The following CRYBA4 variants were observed in gnomAD, a reference collection of about 807,000 sequenced individuals.
CRYBA4 encodes crystallin beta A4, also known as beta-crystallin A4.
In CRYBA4, 30 loss-of-function variants were observed where a neutral mutation model predicts 31.7. The observed-to-expected ratio is 0.95, with a 90% CI of 0.71 to 1.28. The LOEUF is 1.28. CRYBA4 is among the 50% of genes most tolerant of loss of function. CRYBA4 has a pLI of 0.00. For missense variants in CRYBA4, 225 were observed against 260.7 expected (o/e 0.86, Z 0.94); for synonymous variants, 102 against 102.3 (o/e 1.00, Z 0.02).
chr22:26,607,613 T>C, the CRYBA4 span, among the ~76,000 whole-genome samples: 1 of 148,890 alleles, frequency 6.7e-6, no homozygotes, highest in Non-Finnish European at 1.5e-5. Flanking sequence ...CAGCCAGGGA[T>C]ATCAAGAGAA....
the CRYBA4 span, among the ~76,000 whole-genome samples, chr22:26,614,151 G>A: frequency 1.3e-4 from 20 of 152,220 alleles, no homozygotes; most frequent in Middle Eastern, 3.4e-3. Flanking sequence ...TTTTGCCCCG[G>A]TCCTGTGATC....
chr22:26,615,463 G>A, the CRYBA4 span, among the ~76,000 whole-genome samples: 4 of 152,016 alleles, frequency 2.6e-5, no homozygotes, highest in African/African-American at 4.8e-5. Context: ...AAGCGGTATG[G>A]TTTGGTTGTT....
the CRYBA4 span, among the ~76,000 whole-genome samples, chr22:26,591,389 T>C: frequency 6.8e-6 from 1 of 147,754 alleles, no homozygotes; most frequent in Non-Finnish European, 1.5e-5. Context: ...GAGAATCGCT[T>C]GAACCTGGGA....
At position 26,630,447 on chromosome 22, in the gene CRYBA4, C is replaced by T. The variant is rs763962887; in HGVS notation, c.551C>T (p.Pro184Leu). The T allele has an allele frequency of 3.9e-5, 63 of 1,613,906 alleles. No homozygotes were observed. The highest frequency in any genetic ancestry group is 2.7e-5 in the African/African-American group (2 of 74,954). Residue 184 changes from proline to leucine, a missense_variant, in exon 6 of 6, where the codon CCG (proline) becomes CTG (leucine). Physicochemically the swap from Pro to Leu is moderately conservative, Grantham distance 98 (BLOSUM62 -3). Transcript: ENST00000354760. Reference sequence around the variant, plus strand: ...TTCCGGGAGTGGGGCTCTCATGCCCCGACCTTCCAGGTGCAGAGCATCCGC... The same window carrying T: ...TTCCGGGAGTGGGGCTCTCATGCCCTGACCTTCCAGGTGCAGAGCATCCGC... ...KHFREWGSHA[P>L]TFQVQSIRRI...
At chr22:26,613,260 A>G in the CRYBA4 span, among the ~76,000 whole-genome samples, 1 of 152,234 alleles carries the variant, frequency 6.6e-6, no homozygotes, top group African/African-American at 2.4e-5. Flanking sequence ...GGACCAAGGC[A>G]CAATTTTCTG....
the CRYBA4 span, among the ~76,000 whole-genome samples, chr22:26,601,069 C>A: frequency 6.6e-6 from 1 of 152,164 alleles, no homozygotes; most frequent in Non-Finnish European, 1.5e-5. Context: ...TTTCAGATGG[C>A]TTGAATGGCA....
the CRYBA4 span, chr22:26,599,217 G>C: frequency 2.1e-6 from 1 of 481,772 alleles, no homozygotes; most frequent in East Asian, 3.7e-5. Flanking sequence ...CTTGACGGCA[G>C]GAACTTGGCC....
the CRYBA4 span, chr22:26,616,386 C>T: frequency 2.3e-6 from 3 of 1,291,820 alleles, no homozygotes; most frequent in East Asian, 2.3e-5. Context: ...AAACTGCCTC[C>T]TGCCCTCATA....
chr22:26,608,769 C>T, the CRYBA4 span, among the ~76,000 whole-genome samples: 2 of 152,190 alleles, frequency 1.3e-5, no homozygotes, highest in East Asian at 3.9e-4. Flanking sequence ...TGGGTAAATA[C>T]TGGCCTGGTA....
intron 3 of CRYBA4, among the ~76,000 whole-genome samples, chr22:26,624,335 T>C (rs1311837052): frequency 6.6e-6 from 1 of 152,094 alleles, no homozygotes; most frequent in Non-Finnish European, 1.5e-5. Flanking sequence ...GATAGAAGGT[T>C]CTAGAAGGTT....
chr22:26,601,931 A>G, the CRYBA4 span: 1 of 1,612,926 alleles, frequency 6.2e-7, no homozygotes, highest in South Asian at 1.1e-5. Context: ...CCGTAGACCC[A>G]GAGACTGGGT....
At position 26,628,437 on chromosome 22, in the gene CRYBA4, G is replaced by A. The variant is rs532051646; in HGVS notation, c.443+7G>A. 1 of 1,613,912 alleles carries A rather than the reference G, an allele frequency of 6.2e-7. No individual in the cohort carries two copies. The highest frequency in any genetic ancestry group is 1.7e-5 in the Admixed American group (1 of 60,002). ...TCCACGTCCACTCTGGGGCGTAAGT[G>A]TATTCAAGGCTCTACCTGGCAGGGG... is the stretch of plus-strand genomic sequence containing the variant. On this transcript the variant is annotated splice_region_variant and intron_variant, in intron 5 of 5. Transcript: ENST00000354760.
chr22:26,608,940 T>C, the CRYBA4 span, among the ~76,000 whole-genome samples: 1 of 152,202 alleles, frequency 6.6e-6, no homozygotes, highest in South Asian at 2.1e-4. Context: ...AAGATTTTCC[T>C]GGCTTTCCCA....
chr22:26,612,299 G>C, the CRYBA4 span: 1 of 726,948 alleles, frequency 1.4e-6, no homozygotes, highest in South Asian at 1.5e-5. Context: ...ATAAAAGTGT[G>C]ATGAGCCACA....
At chr22:26,596,378 T>C in the CRYBA4 span, among the ~76,000 whole-genome samples, 3 of 152,230 alleles carry the variant, frequency 2.0e-5, no homozygotes, top group Non-Finnish European at 2.9e-5. Context: ...ATTACAGGCA[T>C]GAACCACTGT....
At chr22:26,618,602 A>G (rs558474383), upstream of CRYBA4, among the ~76,000 whole-genome samples, 1 of 152,202 alleles carries the variant, frequency 6.6e-6, no homozygotes, top group Non-Finnish European at 1.5e-5. Flanking sequence ...CCCCGGGACA[A>G]TCTGCCTTAT....
the CRYBA4 span, among the ~76,000 whole-genome samples, chr22:26,598,142 C>T: frequency 1.3e-5 from 2 of 152,096 alleles, no homozygotes; most frequent in Non-Finnish European, 2.9e-5. Flanking sequence ...CTCGGCCTCC[C>T]GAAGTGCTGG....
chr22:26,608,008 C>G, the CRYBA4 span: 8 of 1,614,178 alleles, frequency 5.0e-6, no homozygotes, highest in Non-Finnish European at 6.8e-6. Context: ...TTGGACTGCT[C>G]AAAGGCGACC....
At chr22:26,594,102 T>A in the CRYBA4 span, among the ~76,000 whole-genome samples, 3 of 152,116 alleles carry the variant, frequency 2.0e-5, no homozygotes, top group Non-Finnish European at 4.4e-5. Context: ...TAAAAGTAAG[T>A]GGGCAGGTTT....
Sources: gnomAD v4.1 joint callset for allele counts (sites outside exome capture counted in the v4.1 genomes callset) on GRCh38, gnomAD v4.1.1 for gene constraint, MANE v1.5 for transcripts, NCBI Gene and HGNC (gene_info 2026-07-23, HGNC 2026-07-21) for gene names.